GRID2: variants seen among roughly 807,000 people sequenced by gnomAD.
GRID2 encodes the protein glutamate receptor ionotropic, delta-2.
A neutral mutation model predicts 114.8 loss-of-function variants in GRID2; 33 were observed. The observed-to-expected ratio is 0.29, with a 90% CI of 0.22 to 0.38. The LOEUF (loss-of-function observed/expected upper bound fraction) is 0.38. Among genes scored for constraint, GRID2 ranks in the 10% least tolerant of loss-of-function variants. The probability of loss-of-function intolerance (pLI) is 1.00; values close to 1 mark genes in which losing one functional copy is unlikely to be tolerated. For missense variants in GRID2, 1,184 were observed against 1,257.7 expected (o/e 0.94, Z 0.89); for synonymous variants, 505 against 449.9 (o/e 1.12, Z -1.55).
chr4:92,730,609 G>A (rs1019616695), intron 2 of GRID2, among the ~76,000 whole-genome samples: 1 of 151,912 alleles, frequency 6.6e-6, no homozygotes, highest in Non-Finnish European at 1.5e-5. Context: ...GTGAGTAAAG[G>A]TTTGCATCTA....
chr4:93,274,503 A>T (rs1751835777), intron 8 of GRID2, among the ~76,000 whole-genome samples: 1 of 152,136 alleles, frequency 6.6e-6, no homozygotes, highest in Non-Finnish European at 1.5e-5. Flanking sequence ...AAATTAGGTA[A>T]TGGTCTCATA....
intron 2 of GRID2, among the ~76,000 whole-genome samples, chr4:93,003,803 T>C (rs755208591): frequency 2.6e-5 from 4 of 152,000 alleles, no homozygotes; most frequent in Non-Finnish European, 5.9e-5. Flanking sequence ...AGAGACACTT[T>C]TGTACTTGGA....
chr4:92,494,853 TAATAA>T (rs1287630778), intron 1 of GRID2, among the ~76,000 whole-genome samples: 1 of 152,036 alleles, frequency 6.6e-6, no homozygotes, highest in Non-Finnish European at 1.5e-5. Context: ...TTGCCATTTT[TAATAA>T]AATACAAAGA....
intron 9 of GRID2, among the ~76,000 whole-genome samples, chr4:93,401,683 G>C (rs1317907591): frequency 6.6e-6 from 1 of 152,050 alleles, no homozygotes; most frequent in Non-Finnish European, 1.5e-5. Flanking sequence ...AATTAAAACT[G>C]TTGCCTCAAT....
At chr4:92,748,135 T>G (rs1737247105) in intron 2 of GRID2, among the ~76,000 whole-genome samples, 2 of 152,234 alleles carry the variant, frequency 1.3e-5, no homozygotes, top group African/African-American at 2.4e-5. Context: ...CAAATCTTGA[T>G]GACAACTACT....
At chr4:92,657,982 T>A (rs988325260) in intron 2 of GRID2, among the ~76,000 whole-genome samples, 2 of 151,830 alleles carry the variant, frequency 1.3e-5, no homozygotes, top group Admixed American at 6.6e-5. Flanking sequence ...TATCTCCCAA[T>A]GACTATGGAC....
intron 10 of GRID2, among the ~76,000 whole-genome samples, chr4:93,438,043 G>T (rs1465762829): frequency 1.3e-5 from 2 of 151,992 alleles, no homozygotes; most frequent in African/African-American, 2.4e-5. Context: ...GAAGACTAAG[G>T]TTATGTTTAC....
chr4:93,578,270 C>T (rs915882997), intron 13 of GRID2, among the ~76,000 whole-genome samples: 4 of 152,132 alleles, frequency 2.6e-5, no homozygotes, highest in Middle Eastern at 3.4e-3. Flanking sequence ...CTTTTAGAAA[C>T]GGTTTCCTGA....
chr4:93,308,059 A>G (rs936537817), intron 8 of GRID2, among the ~76,000 whole-genome samples: 1 of 152,168 alleles, frequency 6.6e-6, no homozygotes, highest in Non-Finnish European at 1.5e-5. Context: ...TGATCCATGA[A>G]GAGGCAAAAT....
chr4:92,331,762 T>G (rs1726900935), intron 1 of GRID2, among the ~76,000 whole-genome samples: 1 of 152,336 alleles, frequency 6.6e-6, no homozygotes, highest in East Asian at 1.9e-4. Flanking sequence ...ACAGTAGAGT[T>G]AATTCCTATT....
intron 1 of GRID2, among the ~76,000 whole-genome samples, chr4:93,780,767 G>A (rs1189017748): frequency 6.6e-6 from 1 of 152,206 alleles, no homozygotes; most frequent in African/African-American, 2.4e-5. Context: ...TCCGTCAGTG[G>A]CAGTGGGGAA....
chr4:93,419,793 AG>A (rs1768085983), intron 9 of GRID2, among the ~76,000 whole-genome samples: 1 of 152,280 alleles, frequency 6.6e-6, no homozygotes, highest in Admixed American at 6.5e-5. Context: ...GTAGAATTAA[AG>A]TCATTTCAAG....
chr4:93,676,907 G>C (rs1724924556), intron 14 of GRID2, among the ~76,000 whole-genome samples: 2 of 152,066 alleles, frequency 1.3e-5, no homozygotes, highest in Non-Finnish European at 2.9e-5. Flanking sequence ...ATCTCACTAG[G>C]GAGTGCCAGA....
chr4:92,411,710 GT>G (rs569274756), intron 1 of GRID2, among the ~76,000 whole-genome samples: 1 of 114,274 alleles, frequency 8.8e-6, no homozygotes, highest in Admixed American at 9.0e-5. Flanking sequence ...TCTTTTTTTT[GT>G]TTTTTTGTTT....
chr4:92,974,238 G>T (rs895629044), intron 2 of GRID2, among the ~76,000 whole-genome samples: 3 of 152,142 alleles, frequency 2.0e-5, no homozygotes, highest in African/African-American at 7.2e-5. Flanking sequence ...CACTGTTGGT[G>T]GGAGTGTAAA....
intron 4 of GRID2, among the ~76,000 whole-genome samples, chr4:93,202,779 T>C (rs557314992): frequency 6.6e-6 from 1 of 152,272 alleles, no homozygotes; most frequent in East Asian, 1.9e-4. Context: ...ATTATTTTTT[T>C]GTAAGTGCTC....
intron 2 of GRID2, among the ~76,000 whole-genome samples, chr4:92,682,682 G>GCACACACACACACACACA (rs57217377): frequency 1.4e-5 from 2 of 142,704 alleles, no homozygotes; most frequent in East Asian, 2.1e-4. Context: ...AAATCGCAGG[G>GCACACACACACACACACA]CACACACACA....
At chr4:92,939,696 T>A (rs1191042795) in intron 2 of GRID2, among the ~76,000 whole-genome samples, 3 of 147,522 alleles carry the variant, frequency 2.0e-5, no homozygotes, top group African/African-American at 7.3e-5. Flanking sequence ...TTTATGGTTT[T>A]AGGTCTAACA....
intron 1 of GRID2, among the ~76,000 whole-genome samples, chr4:92,320,736 C>A (rs959368218): frequency 6.6e-6 from 1 of 152,206 alleles, no homozygotes; most frequent in Non-Finnish European, 1.5e-5. Context: ...CCTCGGCCTC[C>A]CAAAGTGCTG....
Sources: gnomAD v4.1 joint callset for allele counts (sites outside exome capture counted in the v4.1 genomes callset) on GRCh38, gnomAD v4.1.1 for gene constraint, MANE v1.5 for transcripts, NCBI Gene and HGNC (gene_info 2026-07-23, HGNC 2026-07-21) for gene names.